Variants in KIR2DL3 observed in about 807,000 individuals in gnomAD.
KIR2DL3 encodes killer cell immunoglobulin-like receptor 2DL3.
Under a neutral mutation model 33.8 loss-of-function variants are expected in KIR2DL3, and 39 were observed. The ratio of observed to expected loss-of-function variants is 1.15; its 90% CI spans 0.89 to 1.51. The LOEUF (loss-of-function observed/expected upper bound fraction) is 1.51, where lower values mean the gene tolerates loss of function less well. KIR2DL3 is among the 40% of genes most tolerant of loss of function. The pLI is 0.00. For synonymous variants in KIR2DL3, 174 were observed against 160.2 expected, an observed-to-expected ratio of 1.09 and a Z score of -0.65; for missense variants, 462 against 426.2, an observed-to-expected ratio of 1.08 and a Z score of -0.74.
intron 3 of KIR2DL3, 23 bp downstream of exon 3, chr19:54,742,302 A>G (rs1445655864): frequency 1.2e-6 from 2 of 1,612,464 alleles, no homozygotes; most frequent in East Asian, 2.2e-5. Flanking sequence ...GGACATTCTC[A>G]TTGTCATTGG....
At chr19:54,740,046 CTAG>C (rs1217148299) in intron 2 of KIR2DL3, among the ~76,000 whole-genome samples, 128 of 152,074 alleles carry the variant, frequency 8.4e-4, no homozygotes, top group African/African-American at 3.0e-3. Flanking sequence ...GTATTAAAAT[CTAG>C]TAGGAGTCTC....
chr19:54,742,747 G>A (rs2071415545), intron 3 of KIR2DL3, among the ~76,000 whole-genome samples: 1 of 151,212 alleles, frequency 6.6e-6, no homozygotes, highest in South Asian at 2.1e-4. Flanking sequence ...TCCATGTAAT[G>A]GAGAGTAATC....
chr19:54,745,544 A>T (rs1289625523), intron 4 of KIR2DL3, among the ~76,000 whole-genome samples: 91 of 150,164 alleles, frequency 6.1e-4, no homozygotes, highest in African/African-American at 2.2e-3. Context: ...TGTTTTTTTT[A>T]GTATAGATGG....
chr19:54,747,354 G>C lies in KIR2DL3; in HGVS notation c.684G>C (p.Trp228Cys), dbSNP rs796677363. Reference protein sequence around the residue: ...VSVTGNPSNSWPSPTEPSSET... With the variant: ...VSVTGNPSNSCPSPTEPSSET... ...TTCTAGGAAACCCTTCAAATAGTTG[G>C]CCTTCACCCACTGAACCAAGCTCCG... Residue 228 changes from tryptophan (W) to cysteine (C), a missense_variant, in exon 5 of 8, where the codon TGG becomes TGC. By Grantham distance (215) the Trp-to-Cys change is radical (BLOSUM62 -2). Transcript: ENST00000342376. 1 of 1,611,612 alleles carries C rather than the reference G, an allele frequency of 6.2e-7. No individual in the cohort carries two copies. Among genetic ancestry groups the C allele is most frequent in the Admixed American group, 1.7e-5 (1 of 59,792 alleles).
At chr19:54,746,834 T>G in intron 4 of KIR2DL3, among the ~76,000 whole-genome samples, 1 of 146,934 alleles carries the variant, frequency 6.8e-6, no homozygotes. Context: ...AATATAAAAA[T>G]TAGCTGAGCA....
rs2073500169 is a variant in KIR2DL3, at chr19:54,751,865, A to G, written c.820+112A>G. On this transcript the variant is annotated intron_variant, in intron 6 of 7. Transcript: ENST00000342376. ...AGGATGGTCCCTGGCCCAAGGCAGC[A>G]GCCACAGAGGGAGGACTTTCTAGAG... 13 of 952,850 alleles carry G rather than the reference A, an allele frequency of 1.4e-5. 3 individuals are homozygous for G. The South Asian group carries it at 1.5e-4, about 11-fold the overall frequency. The allele number at this position is 952,850 out of a possible 1,614,324, so 59.0% of individuals were successfully genotyped here.
intron 4 of KIR2DL3, 70 bp downstream of exon 4, chr19:54,744,158 G>C (rs1368780309): frequency 3.8e-6 from 6 of 1,595,768 alleles, no homozygotes; most frequent in Middle Eastern, 3.3e-4. Context: ...TCCTGCTGAT[G>C]ATGGAGAGAA....
rs1421826562 is a variant in KIR2DL3 at position 54,752,023 on chromosome 19, T to A, written c.821-193T>A. Among the ~76,000 whole-genome samples the A allele has an allele frequency of 2.2e-5, 3 of 135,206 alleles. 1 individual carries two copies. The highest frequency in any genetic ancestry group is 4.9e-5 in the Non-Finnish European group (3 of 61,346). 88.7% of individuals were successfully genotyped at this position (135,206 alleles called of 152,430 possible). ...GACAGGCAGAAAGTGGGAGACAGAA[T>A]CAATGGGATGGGAACTCAGAGCTAT... On this transcript the variant is annotated intron_variant, in intron 6 of 7. Coordinates refer to ENST00000342376, the MANE Select transcript of KIR2DL3 (RefSeq NM_015868.3).
At chr19:54,741,532 C>T (rs1188650405) in intron 2 of KIR2DL3, among the ~76,000 whole-genome samples, 1 of 152,068 alleles carries the variant, frequency 6.6e-6, no homozygotes, top group East Asian at 1.9e-4. Flanking sequence ...GCAAGAGTGG[C>T]TCCCAGTCCC....
At chr19:54,747,533 G>A (rs2072739892) in intron 5 of KIR2DL3, 148 bp downstream of exon 5, 4 of 1,093,170 alleles carry the variant, frequency 3.7e-6, no homozygotes, top group East Asian at 2.4e-5. Context: ...ACAGCGAAAG[G>A]GATCTGGGCC....
intron 3 of KIR2DL3, among the ~76,000 whole-genome samples, chr19:54,743,444 A>G (rs2071577799): frequency 1.3e-5 from 2 of 152,246 alleles, no homozygotes. Flanking sequence ...ATAAATAGAT[A>G]GATCGACAGA....
intron 1 of KIR2DL3, among the ~76,000 whole-genome samples, chr19:54,738,834 A>G (rs1182274124): frequency 1.5e-4 from 10 of 68,820 alleles, no homozygotes; most frequent in East Asian, 4.8e-4. Context: ...GGGCCTGGAG[A>G]TGGAGATATG....
chr19:54,750,460 A>G (rs1234273851), intron 5 of KIR2DL3, among the ~76,000 whole-genome samples: 1 of 138,984 alleles, frequency 7.2e-6, no homozygotes, highest in East Asian at 2.0e-4. Flanking sequence ...GGGCTTCAAC[A>G]CTATTTCCTG....
intron 4 of KIR2DL3, among the ~76,000 whole-genome samples, chr19:54,745,518 A>G (rs2072330553): frequency 6.6e-6 from 1 of 151,766 alleles, no homozygotes; most frequent in Non-Finnish European, 1.5e-5. Flanking sequence ...GCACGCCACC[A>G]TGCCTGGCTA....
At chr19:54,744,325 G>A (rs1441760448) in intron 4 of KIR2DL3, among the ~76,000 whole-genome samples, 1 of 152,032 alleles carries the variant, frequency 6.6e-6, no homozygotes, top group African/African-American at 2.4e-5. Context: ...AAACGGTCAG[G>A]AGAGACCCAG....
intron 5 of KIR2DL3, among the ~76,000 whole-genome samples, chr19:54,747,998 G>C (rs1278132409): frequency 6.2e-4 from 93 of 150,646 alleles, no homozygotes; most frequent in Admixed American, 9.9e-4. Flanking sequence ...TTACAGTGCT[G>C]TAGCTCAAAG....
chr19:54,742,230 C>G lies in KIR2DL3; in HGVS notation c.321C>G (p.Ser107=). 1 of 1,614,164 alleles carries G rather than the reference C, an allele frequency of 6.2e-7. No individual in the cohort carries two copies. The highest frequency in any genetic ancestry group is 8.5e-7 in the Non-Finnish European group (1 of 1,180,022). ...GATGCTACGGTTCTGTTACTCACTC[C>G]CCCTATCAGTTGTCAGCTCCCAGTG... The part of the protein sequence containing the change: ...TYRCYGSVTH[S]PYQLSAPSDP... Residue 107 remains serine (S), a synonymous_variant, in exon 3 of 8, where the codon TCC becomes TCG. Coordinates refer to ENST00000342376, the MANE Select transcript of KIR2DL3 (RefSeq NM_015868.3).
intron 4 of KIR2DL3, among the ~76,000 whole-genome samples, chr19:54,744,876 A>ATATATATATATATATGTATG: frequency 1.4e-5 from 1 of 70,730 alleles, no homozygotes; most frequent in Non-Finnish European, 2.9e-5. Context: ...ACATTTATAT[A>ATATATATATATATATGTATG]TATATATATA....
intron 5 of KIR2DL3, among the ~76,000 whole-genome samples, chr19:54,750,864 A>T (rs1213376572): frequency 2.3e-5 from 3 of 133,290 alleles, no homozygotes; most frequent in Non-Finnish European, 3.3e-5. Flanking sequence ...TAGCTGGGGG[A>T]AGCCAGAGAG....
Sources: gnomAD v4.1 joint callset for allele counts (sites outside exome capture counted in the v4.1 genomes callset) on GRCh38, gnomAD v4.1.1 for gene constraint, MANE v1.5 for transcripts, NCBI Gene and HGNC (gene_info 2026-07-23, HGNC 2026-07-21) for gene names.